SYNE2: variants seen among roughly 807,000 people sequenced by gnomAD.
SYNE2 encodes the protein nesprin-2.
A neutral mutation model predicts 856.3 loss-of-function variants in SYNE2; 431 were observed. The observed-to-expected ratio is 0.50, with a 90% CI of 0.47 to 0.55. The LOEUF is 0.55. Ranked by LOEUF, SYNE2 falls within the 20% of genes least tolerant of loss-of-function variation. The pLI is 0.00. For missense variants in SYNE2, 8,129 were observed against 8,023.2 expected (o/e 1.01, Z -0.50); for synonymous variants, 2,923 against 2,872.3 (o/e 1.02, Z -0.56).
At chr14:64,138,951 G>A (rs1363028288) in intron 79 of SYNE2, among the ~76,000 whole-genome samples, 11 of 106,546 alleles carry the variant, frequency 1.0e-4, no homozygotes, top group African/African-American at 3.6e-4. Context: ...TGTATGGTGT[G>A]TGTGTGTGTG....
intron 73 of SYNE2, among the ~76,000 whole-genome samples, chr14:64,127,922 A>G (rs1244857174): frequency 6.6e-6 from 1 of 152,210 alleles, no homozygotes; most frequent in East Asian, 1.9e-4. Flanking sequence ...ACACACATTC[A>G]AGAAACAAAA....
chr14:64,194,893 A>C (rs1166625847), intron 99 of SYNE2, among the ~76,000 whole-genome samples: 1 of 152,174 alleles, frequency 6.6e-6, no homozygotes, highest in Non-Finnish European at 1.5e-5. Flanking sequence ...ACCTGATCTC[A>C]CCTATGCCTC....
chr14:63,961,728 A>G, intron 9 of SYNE2, 103 bp downstream of exon 9: 1 of 818,680 alleles, frequency 1.2e-6, no homozygotes, highest in Non-Finnish European at 2.1e-6. Flanking sequence ...TTAAATGTAC[A>G]GTTTAATGAG....
At chr14:63,959,664 T>C (rs2096285252) in intron 8 of SYNE2, among the ~76,000 whole-genome samples, 1 of 152,128 alleles carries the variant, frequency 6.6e-6, no homozygotes, top group Non-Finnish European at 1.5e-5. Context: ...CTAATTCTTG[T>C]TAACTTTTTA....
At chr14:63,837,941 AAG>A (rs1269202502) in intron 1 of SYNE2, among the ~76,000 whole-genome samples, 1 of 151,358 alleles carries the variant, frequency 6.6e-6, no homozygotes, top group Non-Finnish European at 1.5e-5. Flanking sequence ...AAAAAAAAAA[AAG>A]AGCAAAGTAT....
chr14:64,113,487 G>A lies in SYNE2; in HGVS notation c.12756G>A (p.Leu4252=), dbSNP rs764216376. ...AGGTGGCCGAGCTGGAGCTGTGGCT[G>A]CAACAAGCCAACGTGGCAGTTGAGC... The part of the protein sequence containing the change: ...KTQVAELELW[L]QQANVAVEPE... Residue 4252 remains leucine, a synonymous_variant, in exon 66 of 116, where the codon CTG becomes CTA. Coordinates refer to ENST00000555002, the MANE Select transcript of SYNE2 (RefSeq NM_182914.3). 1.2e-6 allele frequency: 2 copies of A among 1,614,098 alleles called. No homozygotes were observed. Among genetic ancestry groups the A allele is most frequent in the East Asian group, 2.2e-5 (1 of 44,866 alleles).
intron 57 of SYNE2, among the ~76,000 whole-genome samples, chr14:64,085,947 A>T (rs748223778): frequency 5.3e-5 from 8 of 152,200 alleles, no homozygotes; most frequent in Non-Finnish European, 1.2e-4. Flanking sequence ...ATTTTCTTCC[A>T]GTCTGCGGCT....
At chr14:64,208,700 C>G in intron 100 of SYNE2, 58 bp from the exon 101 acceptor site, 1 of 1,580,078 alleles carries the variant, frequency 6.3e-7, no homozygotes, top group Non-Finnish European at 8.7e-7. Flanking sequence ...TCCTTTGATG[C>G]TGACCCTCCT....
At chr14:63,913,837 T>TTTTTTAAATTTAATTTAATTTTAAA (rs56773783) in intron 2 of SYNE2, among the ~76,000 whole-genome samples, 91,955 of 145,550 alleles carry the variant, frequency 0.63, 29,535 homozygotes, top group South Asian at 0.76. Flanking sequence ...CTGTTTAAAA[T>TTTTTTAAATTTAATTTAATTTTAAA]TTTTTAAATT....
intron 54 of SYNE2, 151 bp downstream of exon 54, chr14:64,076,251 G>C (rs2097458045): frequency 2.6e-6 from 2 of 773,808 alleles, no homozygotes; most frequent in Admixed American, 5.2e-5. Context: ...TGAATGCTAA[G>C]ATAAAGATGC....
At chr14:63,879,591 A>C (rs1035377578) in intron 1 of SYNE2, among the ~76,000 whole-genome samples, 1 of 152,378 alleles carries the variant, frequency 6.6e-6, no homozygotes. Context: ...TTAATTGTGC[A>C]CAGATAGGAA....
chr14:64,087,542 A>G, intron 57 of SYNE2, 129 bp from the exon 58 acceptor site: 1 of 997,820 alleles, frequency 1.0e-6, no homozygotes, highest in Non-Finnish European at 1.6e-6. Flanking sequence ...TTCTGTTTTC[A>G]TTATCGAACT....
rs1024251651 is a variant in SYNE2 at position 64,031,200 on chromosome 14, G to A, written c.7064G>A (p.Cys2355Tyr). The A allele has an allele frequency of 6.2e-7, 1 of 1,614,218 alleles. No individual in the cohort carries two copies. The highest frequency in any genetic ancestry group is 8.5e-7 in the Non-Finnish European group (1 of 1,180,036). The change falls in exon 45 of 116, where the codon TGT becomes TAT. Residue 2355 changes from cysteine (C) to tyrosine (Y), a missense_variant. Physicochemically the swap from Cys to Tyr is radical, Grantham distance 194. Transcript: ENST00000555002. ...RLASAKQEMECCLNSILKSKR... is the reference protein window; with the variant it reads ...RLASAKQEMEYCLNSILKSKR... ...GCATCTGCTAAGCAGGAGATGGAAT[G>A]TTGTCTCAACAGCATTCTCAAATCA...
rs1017877945 is a variant in SYNE2, at chr14:64,159,173, C to A, written c.15964-139C>A. On this transcript the variant is annotated intron_variant, in intron 86 of 115. Coordinates refer to ENST00000555002, the MANE Select transcript of SYNE2 (RefSeq NM_182914.3). The stretch of plus-strand genomic sequence containing the variant: ...TAAAGAATGCCTTCTCCATTGTTTT[C>A]TTCACATTCCTAATAGTTTATCAGA... 1.6e-5 allele frequency: 19 copies of A among 1,204,204 alleles called. No homozygotes were observed. In the East Asian group the frequency reaches 4.3e-4, roughly 27 times the overall value. The allele number at this position is 1,204,204 out of a possible 1,614,324, so 74.6% of individuals were successfully genotyped here. A position where few individuals can be genotyped will look rare whatever the true frequency, so the allele number is the denominator to read the frequency against.
At chr14:63,930,096 A>T (rs1389675571) in intron 2 of SYNE2, among the ~76,000 whole-genome samples, 2 of 152,064 alleles carry the variant, frequency 1.3e-5, no homozygotes, top group African/African-American at 4.8e-5. Flanking sequence ...ACCAGCCTGG[A>T]TGACATAGGT....
chr14:64,056,417 G>A (rs1027750334), intron 49 of SYNE2, 151 bp downstream of exon 49: 6 of 623,242 alleles, frequency 9.6e-6, no homozygotes, highest in Non-Finnish European at 1.5e-5. Flanking sequence ...GGAAAATATG[G>A]TTAAGTAGAA....
intron 1 of SYNE2, among the ~76,000 whole-genome samples, chr14:63,835,068 A>G (rs527999238): frequency 6.6e-4 from 101 of 152,258 alleles, no homozygotes; most frequent in African/African-American, 2.3e-3. Context: ...TAATTCAACA[A>G]CTATCTATTG....
At chr14:63,890,043 T>G (rs1044533863) in intron 1 of SYNE2, among the ~76,000 whole-genome samples, 2 of 139,608 alleles carry the variant, frequency 1.4e-5, no homozygotes, top group African/African-American at 5.3e-5. Context: ...GGTCTTGTCT[T>G]TCTTTCTTTC....
Position 64,052,560 on chromosome 14 carries a change from G to T in SYNE2, c.8647G>T (p.Glu2883Ter). 6.2e-7 allele frequency: 1 copy of T among 1,614,142 alleles called. No homozygotes were observed. Among genetic ancestry groups the T allele is most frequent in the Non-Finnish European group, 8.5e-7 (1 of 1,180,034 alleles). Residue 2883 changes from glutamate (E) to a stop codon, truncating the protein, a stop_gained, in exon 48 of 116, where the codon GAA (glutamate) becomes TAA (stop). Transcript: ENST00000555002. LOFTEE classifies it high-confidence loss of function. Reference sequence around the variant, plus strand: ...TGTTACTTTGGAGGCATCTCAGAAGGAATTGCAAGAAATTGACAGTGGAAT... The same window carrying T: ...TGTTACTTTGGAGGCATCTCAGAAGTAATTGCAAGAAATTGACAGTGGAAT... ...HHVTLEASQK[E>*]LQEIDSGIST...
Sources: allele counts gnomAD v4.1 joint callset (sites outside exome capture counted in the v4.1 genomes callset), GRCh38; gene constraint gnomAD v4.1.1; transcripts MANE v1.5; gene names NCBI Gene and HGNC (gene_info 2026-07-23, HGNC 2026-07-21).